The following CALN1 variants were observed in gnomAD, a reference collection of about 807,000 sequenced individuals.
CALN1 encodes the protein calneuron 1.
CALN1 carries 17 observed loss-of-function variants against 30.6 expected under a neutral mutation model. That is an observed-to-expected ratio of 0.56 (90% CI 0.38 to 0.83). The LOEUF (loss-of-function observed/expected upper bound fraction) is 0.83, where lower values mean the gene tolerates loss of function less well. Ranked by LOEUF, CALN1 falls within the 40% of genes least tolerant of loss-of-function variation. The pLI is 0.00. For synonymous variants in CALN1, 156 were observed against 131.4 expected, an observed-to-expected ratio of 1.19 and a Z score of -1.28; for missense variants, 291 against 354.9, an observed-to-expected ratio of 0.82 and a Z score of 1.45.
At chr7:72,273,520 TC>T (rs140939721) in intron 3 of CALN1, among the ~76,000 whole-genome samples, 13,044 of 98,058 alleles carry the variant, frequency 0.13, 987 homozygotes, top group East Asian at 0.57. Flanking sequence ...TTTTTTTTTT[TC>T]TTCCCCCTAG....
chr7:72,188,987 C>T (rs978683747), intron 3 of CALN1, among the ~76,000 whole-genome samples: 19 of 152,140 alleles, frequency 1.2e-4, no homozygotes, highest in Non-Finnish European at 2.1e-4. Flanking sequence ...GAGGACTCTC[C>T]CTGCCTTCAG....
At chr7:72,434,957 T>C (rs1174682694) in intron 1 of CALN1, among the ~76,000 whole-genome samples, 1 of 152,202 alleles carries the variant, frequency 6.6e-6, no homozygotes, top group Admixed American at 6.5e-5. Flanking sequence ...CCACGCATGG[T>C]GGCTCACACC....
intron 5 of CALN1, among the ~76,000 whole-genome samples, chr7:72,009,022 T>G (rs1177945310): frequency 1.3e-5 from 2 of 152,200 alleles, no homozygotes; most frequent in African/African-American, 4.8e-5. Flanking sequence ...TTTGAGGAAT[T>G]GGTAACCTGA....
intron 3 of CALN1, among the ~76,000 whole-genome samples, chr7:72,250,692 TAA>T (rs1183449053): frequency 6.6e-6 from 1 of 152,032 alleles, no homozygotes; most frequent in Non-Finnish European, 1.5e-5. Flanking sequence ...GCTGGTTGTT[TAA>T]AAGAGGCTGG....
At chr7:72,056,459 G>A (rs373139955) in intron 4 of CALN1, among the ~76,000 whole-genome samples, 62 of 152,188 alleles carry the variant, frequency 4.1e-4, no homozygotes, top group African/African-American at 1.5e-3. Context: ...TTAACAAATG[G>A]TGCTGAAAAG....
At chr7:72,243,252 T>C (rs1794958566) in intron 3 of CALN1, among the ~76,000 whole-genome samples, 2 of 152,176 alleles carry the variant, frequency 1.3e-5, no homozygotes, top group Non-Finnish European at 2.9e-5. Context: ...AAGGCAGCCA[T>C]CTGCAAACCA....
chr7:71,980,655 C>T (rs780383644), intron 5 of CALN1, among the ~76,000 whole-genome samples: 17 of 152,180 alleles, frequency 1.1e-4, no homozygotes, highest in East Asian at 3.8e-4. Flanking sequence ...ACCACTTCCA[C>T]GCCCTCTGCA....
intron 2 of CALN1, among the ~76,000 whole-genome samples, chr7:72,397,714 T>TCACACACACACACACACACACACACA (rs3138810): frequency 9.1e-5 from 13 of 142,806 alleles, no homozygotes; most frequent in Non-Finnish European, 1.8e-4. Context: ...CCATTCTCTC[T>TCACACACACACACACACACACACACA]CACACACACA....
the CALN1 span, among the ~76,000 whole-genome samples, chr7:72,484,184 G>A: frequency 5.1e-4 from 78 of 151,956 alleles, no homozygotes; most frequent in African/African-American, 1.7e-3. Flanking sequence ...TTGCATGCCT[G>A]GTAATTTTAG....
At chr7:71,857,734 A>G (rs948582263) in intron 5 of CALN1, among the ~76,000 whole-genome samples, 1 of 152,146 alleles carries the variant, frequency 6.6e-6, no homozygotes, top group Non-Finnish European at 1.5e-5. Context: ...AAATTGTTCA[A>G]TTTATTCCTT....
chr7:72,017,970 G>C (rs1396029777), intron 5 of CALN1, among the ~76,000 whole-genome samples: 1 of 152,082 alleles, frequency 6.6e-6, no homozygotes, highest in Non-Finnish European at 1.5e-5. Flanking sequence ...CAGAAGTGTT[G>C]GCTGGCCCCC....
chr7:71,968,258 A>G (rs2129526144), intron 5 of CALN1, among the ~76,000 whole-genome samples: 1 of 152,314 alleles, frequency 6.6e-6, no homozygotes, highest in African/African-American at 2.4e-5. Context: ...TGAAAGCATT[A>G]TACTGAATGA....
At chr7:72,107,075 T>A (rs924001803) in intron 3 of CALN1, among the ~76,000 whole-genome samples, 21 of 152,134 alleles carry the variant, frequency 1.4e-4, no homozygotes, top group African/African-American at 4.8e-4. Context: ...CAGCTCGACC[T>A]GAGCATCCTC....
At chr7:72,007,104 T>C (rs1799811083) in intron 5 of CALN1, among the ~76,000 whole-genome samples, 1 of 152,204 alleles carries the variant, frequency 6.6e-6, no homozygotes, top group African/African-American at 2.4e-5. Flanking sequence ...TCCCCAATTT[T>C]TAAAATTCTT....
chr7:72,439,379 G>C lies in CALN1; in HGVS notation c.-226+7663C>G, dbSNP rs1440768869. 2.0e-5 allele frequency among the ~76,000 whole-genome samples: 3 copies of C among 152,010 alleles called. No homozygotes were observed. The East Asian group carries it at 5.8e-4, about 29-fold the overall frequency. ...AAAACTTGACTGCTAATAGCCTACT[G>C]TTGACTGGAAGCCTTACTGATAACG... On this transcript the variant is annotated intron_variant, in intron 1 of 6. Transcript: ENST00000395276.
intron 3 of CALN1, among the ~76,000 whole-genome samples, chr7:72,193,747 G>A (rs1585133639): frequency 6.6e-6 from 1 of 152,170 alleles, no homozygotes; most frequent in Non-Finnish European, 1.5e-5. Context: ...CAGTCAATGA[G>A]TGGATAAAGA....
intron 5 of CALN1, among the ~76,000 whole-genome samples, chr7:71,853,629 G>C (rs1035284944): frequency 6.6e-6 from 1 of 151,774 alleles, no homozygotes; most frequent in Non-Finnish European, 1.5e-5. Context: ...AGCCAGGCTG[G>C]AGTGCAGTGG....
chr7:72,179,710 T>A (rs796112850), intron 3 of CALN1, among the ~76,000 whole-genome samples: 13 of 152,290 alleles, frequency 8.5e-5, no homozygotes, highest in African/African-American at 2.9e-4. Context: ...ATTAGCAATA[T>A]TTTGCCACAT....
intron 4 of CALN1, among the ~76,000 whole-genome samples, chr7:72,102,027 CA>C (rs1806705239): frequency 6.6e-6 from 1 of 152,124 alleles, no homozygotes; most frequent in Non-Finnish European, 1.5e-5. Context: ...AGTCATTTTT[CA>C]AAGCTTATTT....
Sources: gnomAD v4.1 joint callset for allele counts (sites outside exome capture counted in the v4.1 genomes callset) on GRCh38, gnomAD v4.1.1 for gene constraint, MANE v1.5 for transcripts, NCBI Gene and HGNC (gene_info 2026-07-23, HGNC 2026-07-21) for gene names.